The following GGT1 variants were observed in gnomAD, a reference collection of about 807,000 sequenced individuals.
The protein encoded by GGT1 is glutathione hydrolase 1 proenzyme.
Under a neutral mutation model 56.0 loss-of-function variants are expected in GGT1, and 21 were observed. The observed-to-expected ratio is 0.38, with a 90% CI of 0.27 to 0.54. GGT1 has a LOEUF of 0.54. Among genes scored for constraint, GGT1 ranks in the 20% least tolerant of loss-of-function variants. The pLI, the probability that GGT1 is intolerant of heterozygous loss-of-function variation, is 0.82. For missense variants in GGT1, 466 were observed against 787.0 expected, an observed-to-expected ratio of 0.59 and a Z score of 4.88; for synonymous variants, 238 against 342.6, an observed-to-expected ratio of 0.69 and a Z score of 3.37.
At chr22:24,586,399 G>A in the GGT1 span, 5 of 1,612,104 alleles carry the variant, frequency 3.1e-6, no homozygotes, top group Non-Finnish European at 4.2e-6. Flanking sequence ...TCTTCTGGAG[G>A]CTGCTCTTGA....
intron 1 of GGT1, among the ~76,000 whole-genome samples, chr22:24,596,096 A>T (rs930353121): frequency 6.6e-6 from 1 of 152,162 alleles, no homozygotes; most frequent in Non-Finnish European, 1.5e-5. Context: ...AATTGTCATG[A>T]GGCTGTAGTA....
intron 2 of GGT1, among the ~76,000 whole-genome samples, chr22:24,608,656 G>GT (rs1286000444): frequency 2.0e-5 from 3 of 152,218 alleles, no homozygotes; most frequent in South Asian, 2.1e-4. Flanking sequence ...TTTTGTTTTT[G>GT]TTTTTTTGCA....
the GGT1 span, chr22:24,588,914 G>A: frequency 1.0e-6 from 1 of 1,003,596 alleles, no homozygotes; most frequent in Non-Finnish European, 1.2e-6. Flanking sequence ...CCCAGCTCAG[G>A]GTGGAATCCG....
chr22:24,609,916 C>T, intron 2 of GGT1, 49 bp from the exon 3 acceptor site: 1 of 439,794 alleles, frequency 2.3e-6, no homozygotes, highest in Admixed American at 2.5e-5. Flanking sequence ...TACCATTCAC[C>T]AAGCCCTGCC....
chr22:24,586,138 G>A, the GGT1 span: 4 of 1,613,374 alleles, frequency 2.5e-6, no homozygotes, highest in Non-Finnish European at 3.4e-6. Flanking sequence ...TGGTGTCCTT[G>A]ATGGCATCAG....
chr22:24,584,490 T>TG, the GGT1 span, among the ~76,000 whole-genome samples: 79 of 152,302 alleles, frequency 5.2e-4, 1 homozygote, highest in East Asian at 0.014. Context: ...TCACCCTCCT[T>TG]GGCCATCTCC....
chr22:24,623,408 G>T, intron 10 of GGT1, 152 bp downstream of exon 10: 8 of 960,870 alleles, frequency 8.3e-6, no homozygotes, highest in Non-Finnish European at 1.3e-5. Flanking sequence ...AGTTCACCAT[G>T]TCCTGAAGGA....
the GGT1 span, chr22:24,585,851 A>G: frequency 6.6e-7 from 1 of 1,522,762 alleles, no homozygotes. Flanking sequence ...TGAGAGCATC[A>G]CAAGTCAGTA....
Position 24,628,877 on chromosome 22 carries a change from A to T in GGT1, c.*38A>T. 3.2e-6 allele frequency: 5 copies of T among 1,586,110 alleles called. No individual in the cohort carries two copies. The highest frequency in any genetic ancestry group is 1.5e-5 in the African/African-American group (1 of 68,830). On this transcript the variant is annotated 3_prime_UTR_variant, in exon 16 of 16. Transcript: ENST00000400382. This position sits in a 1 kb window ranked among gnomAD's most constrained non-coding sequence, Gnocchi z 5.7. ...GACAAGGCTGACAAGCAATCCAGGGACAAGATACTCACCAGGACCAGGAAG... is the reference window on the plus strand; with the variant it reads ...GACAAGGCTGACAAGCAATCCAGGGTCAAGATACTCACCAGGACCAGGAAG...
chr22:24,588,121 T>C, the GGT1 span: 1 of 1,019,774 alleles, frequency 9.8e-7, no homozygotes, highest in South Asian at 1.4e-5. Context: ...AGGTGGGATT[T>C]CAGCACCAGC....
At chr22:24,597,330 T>C (rs1012892770) in intron 1 of GGT1, among the ~76,000 whole-genome samples, 6 of 152,186 alleles carry the variant, frequency 3.9e-5, no homozygotes, top group South Asian at 2.1e-4. Flanking sequence ...TAATTACTTA[T>C]GTAGAGACTC....
chr22:24,598,695 A>G (rs2045734608), upstream of GGT1, among the ~76,000 whole-genome samples: 1 of 152,186 alleles, frequency 6.6e-6, no homozygotes, highest in Admixed American at 6.5e-5. Context: ...CTGGGACCAC[A>G]GGCATGTGCC....
chr22:24,627,569 C>T lies in GGT1; in HGVS notation c.1158C>T (p.Val386=), dbSNP rs4049840. The change falls in exon 12 of 16, where the codon GTC becomes GTT. Residue 386 remains valine (V), a synonymous_variant. Transcript: ENST00000400382. ...ACGGGGGCACTGCTCACCTGTCTGTCGTCGCAGAGGACGGCAGTGCTGTGT... is the reference window on the plus strand; with the variant it reads ...ACGGGGGCACTGCTCACCTGTCTGTTGTCGCAGAGGACGGCAGTGCTGTGT... ...PDDGGTAHLS[V]VAEDGSAVSA... 1.1e-5 allele frequency: 17 copies of T among 1,611,334 alleles called. No individual in the cohort carries two copies. Among genetic ancestry groups the T allele is most frequent in the Admixed American group, 1.7e-5 (1 of 59,906 alleles).
At chr22:24,615,345 G>A (rs1203391446) in intron 7 of GGT1, among the ~76,000 whole-genome samples, 4 of 152,154 alleles carry the variant, frequency 2.6e-5, no homozygotes, top group East Asian at 1.9e-4. Context: ...TAAGGCCTCC[G>A]GGGCCACTCT....
intron 1 of GGT1, among the ~76,000 whole-genome samples, chr22:24,597,866 A>AC (rs2045721093): frequency 6.6e-6 from 1 of 152,150 alleles, no homozygotes; most frequent in East Asian, 1.9e-4. Flanking sequence ...GGTGCTGTCT[A>AC]CCTGGAGATG....
At chr22:24,584,456 C>A in the GGT1 span, among the ~76,000 whole-genome samples, 4 of 152,138 alleles carry the variant, frequency 2.6e-5, no homozygotes, top group East Asian at 5.8e-4. Context: ...CATCCCAGTC[C>A]TGGGACCCAA....
At chr22:24,624,169 C>A (rs1336118679) in intron 11 of GGT1, 1 of 985,354 alleles carries the variant, frequency 1.0e-6, no homozygotes. Flanking sequence ...TGCTGTGGTT[C>A]TCGAGTGCTC....
chr22:24,618,116 G>A (rs2047183679), intron 7 of GGT1, among the ~76,000 whole-genome samples: 1 of 152,178 alleles, frequency 6.6e-6, no homozygotes, highest in Non-Finnish European at 1.5e-5. Flanking sequence ...ATGGGTACAT[G>A]TGAGTGCTTG....
intron 1 of GGT1, 66 bp from the exon 2 acceptor site, chr22:24,607,888 G>A (rs536543975): frequency 1.4e-5 from 6 of 423,562 alleles, no homozygotes; most frequent in African/African-American, 4.0e-5. Flanking sequence ...GGAGAGTGGC[G>A]GGGGGCCCAG....
Sources: gnomAD v4.1 joint callset for allele counts (sites outside exome capture counted in the v4.1 genomes callset) on GRCh38, gnomAD v4.1.1 for gene constraint, Gnocchi (gnomAD v3.1) non-coding constraint, MANE v1.5 for transcripts, NCBI Gene and HGNC (gene_info 2026-07-23, HGNC 2026-07-21) for gene names.